Variants in NTN5 observed in about 807,000 individuals in gnomAD.
NTN5 encodes netrin-5.
In NTN5, 42 loss-of-function variants were observed where a neutral mutation model predicts 38.7. That is an observed-to-expected ratio of 1.08 (90% CI 0.85 to 1.40). NTN5 has a LOEUF of 1.40. Ranked by LOEUF, NTN5 falls within the 40% of genes most tolerant of loss-of-function variation. The pLI is 0.00. For synonymous variants in NTN5, 329 were observed against 303.9 expected, an observed-to-expected ratio of 1.08 and a Z score of -0.86; for missense variants, 658 against 716.5, an observed-to-expected ratio of 0.92 and a Z score of 0.93.
intron 2 of NTN5, among the ~76,000 whole-genome samples, chr19:48,669,918 TCACCATCATCACCACTACCATCAC>T (rs1568452713): frequency 1.1e-3 from 58 of 53,960 alleles, no homozygotes; most frequent in African/African-American, 1.1e-3. Context: ...ACCACCACCA[TCACCATCATCACCACTACCATCAC>T]CATCACCACC....
At chr19:48,667,875 T>A (rs991991088) in intron 2 of NTN5, among the ~76,000 whole-genome samples, 1 of 150,012 alleles carries the variant, frequency 6.7e-6, no homozygotes, top group Non-Finnish European at 1.5e-5. Flanking sequence ...AAAAAAGAAA[T>A]AGAGGGCCGG....
At chr19:48,667,376 G>A in intron 2 of NTN5, 1 of 424,154 alleles carries the variant, frequency 2.4e-6, no homozygotes, top group Non-Finnish European at 4.8e-6. Flanking sequence ...TGCTCAGTCT[G>A]GGGGGATGTG....
chr19:48,667,011 G>A (rs1175883131), intron 2 of NTN5, among the ~76,000 whole-genome samples: 1 of 152,002 alleles, frequency 6.6e-6, no homozygotes, highest in Non-Finnish European at 1.5e-5. Flanking sequence ...GATAATCAGG[G>A]AGCTCAGACG....
intron 3 of NTN5, 81 bp from the exon 4 acceptor site, chr19:48,664,373 G>C: frequency 6.6e-7 from 1 of 1,520,626 alleles, no homozygotes; most frequent in Non-Finnish European, 8.9e-7. Context: ...TCCTCCCTCA[G>C]CCTGGGGAGT....
chr19:48,661,706 G>A lies in NTN5; in HGVS notation c.1441C>T (p.Pro481Ser). Reference protein sequence around the residue: ...RAGGCRGVRAPTPSPRPEH With the variant: ...RAGGCRGVRASTPSPRPEH ...TGCTCCGGCCTGGGACTGGGTGTGG[G>A]TGCCCGCACGCCGCGGCAGCCTCCG... Residue 481 changes from proline to serine, a missense_variant, in exon 7 of 7, where the codon CCC becomes TCC. Physicochemically the swap from Pro to Ser is moderately conservative, Grantham distance 74. Coordinates refer to ENST00000270235, the MANE Select transcript of NTN5 (RefSeq NM_145807.4). 6.4e-7 allele frequency: 1 copy of A among 1,557,526 alleles called. No individual in the cohort carries two copies. The highest frequency in any genetic ancestry group is 1.8e-5 in the Admixed American group (1 of 54,994).
rs567448100 is a variant in NTN5 at position 48,664,448 on chromosome 19, G to A, written c.820+131C>T. 2.0e-4 allele frequency: 246 copies of A among 1,235,900 alleles called. 1 individual carries two copies. The African/African-American group carries it at 3.2e-3, about 16-fold the overall frequency. 76.6% of individuals were successfully genotyped at this position (1,235,900 alleles called of 1,614,324 possible). A position where few individuals can be genotyped will look rare whatever the true frequency, so the allele number is the denominator to read the frequency against. On this transcript the variant is annotated intron_variant, in intron 3 of 6. Transcript: ENST00000270235. ...AGGCCCCCAGCCCCTCCTCCCTCAGGCCCAGAGTCCAGGCCCCCAGCCCCT... is the reference window on the plus strand; with the variant it reads ...AGGCCCCCAGCCCCTCCTCCCTCAGACCCAGAGTCCAGGCCCCCAGCCCCT...
rs2031535865 is a variant in NTN5 at position 48,661,494 on chromosome 19, A to G, written c.*183T>C. The G allele has an allele frequency of 1.0e-5, 6 of 598,650 alleles. No homozygotes were observed. The highest frequency in any genetic ancestry group is 4.4e-5 in the Admixed American group (1 of 22,768). The allele number at this position is 598,650 out of a possible 1,614,324, so 37.1% of individuals were successfully genotyped here. On this transcript the variant is annotated 3_prime_UTR_variant, in exon 7 of 7. Coordinates refer to ENST00000270235, the MANE Select transcript of NTN5 (RefSeq NM_145807.4). ...CAAAGGAGGAAATGTTGGGACCAGA[A>G]GTCCCGCTTGCCGCCTTTTGCTAAA...
At chr19:48,669,564 CCAT>C (rs1568452240) in intron 2 of NTN5, among the ~76,000 whole-genome samples, 4 of 8,706 alleles carry the variant, frequency 4.6e-4, no homozygotes, top group African/African-American at 1.5e-3. Flanking sequence ...ATCACCACCA[CCAT>C]CACCACCATC....
rs1199658419 is a variant in NTN5, at chr19:48,666,841, A to G, written c.632-2074T>C. On this transcript the variant is annotated intron_variant, in intron 2 of 6. Coordinates refer to ENST00000270235, the MANE Select transcript of NTN5 (RefSeq NM_145807.4). ...TGGGTCCACAGGCATGCACCACCAC[A>G]CCAGGCTACTTTAAAATTTTTTTTT... 2.0e-5 allele frequency among the ~76,000 whole-genome samples: 3 copies of G among 150,946 alleles called. No homozygotes were observed. The East Asian group carries it at 6.0e-4, about 30-fold the overall frequency.
At chr19:48,669,159 C>T (rs1332278666) in intron 2 of NTN5, among the ~76,000 whole-genome samples, 12 of 105,774 alleles carry the variant, frequency 1.1e-4, no homozygotes, top group Admixed American at 6.5e-4. Context: ...ACCACCATCA[C>T]CACCACCACC....
At chr19:48,662,107 G>A in intron 6 of NTN5, 66 bp from the exon 7 acceptor site, 1 of 1,344,806 alleles carries the variant, frequency 7.4e-7, no homozygotes, top group Non-Finnish European at 9.5e-7. Context: ...GGTCCCGTGG[G>A]GTCAGTCACA....
chr19:48,672,885 G>T (rs562388698), intron 1 of NTN5, 47 bp downstream of exon 1: 19 of 197,748 alleles, frequency 9.6e-5, no homozygotes, highest in Non-Finnish European at 1.6e-4. Context: ...CTGGCTCTTG[G>T]CATGCACCCC....
rs749015666 is a variant in NTN5 at position 48,664,247 on chromosome 19, T to C, written c.866A>G (p.Gln289Arg). 6.2e-7 allele frequency: 1 copy of C among 1,613,070 alleles called. No homozygotes were observed. Among genetic ancestry groups the C allele is most frequent in the South Asian group, 1.1e-5 (1 of 90,774 alleles). ...CTTGCAGGTGCACTGCCCACTGGTC[T>C]GGTTGCAGGTTCCTCCTGTTGCCCC... ...PIGATGGTCN[Q>R]TSGQCTCKLG... Residue 289 changes from glutamine to arginine, a missense_variant, in exon 4 of 7, where the codon CAG (glutamine) becomes CGG (arginine). Gln to Arg is a conservative substitution (Grantham distance 43). Coordinates refer to ENST00000270235, the MANE Select transcript of NTN5 (RefSeq NM_145807.4).
At chr19:48,662,634 T>C (rs905192454) in intron 6 of NTN5, 7 of 153,078 alleles carry the variant, frequency 4.6e-5, no homozygotes, top group African/African-American at 1.7e-4. Flanking sequence ...TTTGTATTTT[T>C]AGTAGAGATG....
At chr19:48,663,953 G>A (rs2031619089) in intron 4 of NTN5, 139 bp from the exon 5 acceptor site, 8 of 1,132,620 alleles carry the variant, frequency 7.1e-6, no homozygotes, top group Non-Finnish European at 1.0e-5. Flanking sequence ...CTTGCCTTCA[G>A]GCCCCAAGCC....
At position 48,663,746 on chromosome 19, in the gene NTN5, G is replaced by A. The variant is rs1343630346; in HGVS notation, c.1024+15C>T. 1 of 1,613,312 alleles carries A rather than the reference G, an allele frequency of 6.2e-7. No individual in the cohort carries two copies. The highest frequency in any genetic ancestry group is 1.1e-5 in the South Asian group (1 of 91,050). ...CCACTTGCCACTCAGGGACCTCCGT[G>A]CCAGACTGTCTTACCAGAGCTATAA... is the stretch of plus-strand genomic sequence containing the variant. On this transcript the variant is annotated intron_variant, in intron 5 of 6. Transcript: ENST00000270235.
rs755321664 is a variant in NTN5 at position 48,664,204 on chromosome 19, C to A, written c.909G>T (p.Leu303=). ...AGCCAGGGCCACAGCGGTTGCAGGT[C>A]AGGCCTGTGACCCCTAACTTGCAGG... is the stretch of plus-strand genomic sequence containing the variant. ...QCTCKLGVTG[L]TCNRCGPGYQ... The change falls in exon 4 of 7, where the codon CTG becomes CTT. Residue 303 remains leucine (L), a synonymous_variant. Transcript: ENST00000270235. The A allele has an allele frequency of 6.2e-7, 1 of 1,610,998 alleles. No individual in the cohort carries two copies. Among genetic ancestry groups the A allele is most frequent in the Non-Finnish European group, 8.5e-7 (1 of 1,178,740 alleles).
Position 48,661,882 on chromosome 19 carries a change from C to T in NTN5, c.1265G>A (p.Arg422His), listed in dbSNP as rs997679907. Residue 422 changes from arginine (R) to histidine (H), a missense_variant, in exon 7 of 7, where the codon CGC becomes CAC. Transcript: ENST00000270235. ...PRADLTCGCL[R>H]LQPGTDYLLL... ...CAGGTAGTCGGTGCCTGGCTGCAGG[C>T]GCAGGCAGCCGCAGGTCAGGTCGGC... The T allele has an allele frequency of 2.4e-5, 32 of 1,346,758 alleles. No individual in the cohort carries two copies. Among genetic ancestry groups the T allele is most frequent in the Non-Finnish European group, 2.9e-5 (31 of 1,051,514 alleles). 83.4% of individuals were successfully genotyped at this position (1,346,758 alleles called of 1,614,324 possible).
At chr19:48,671,230 T>C (rs2031955133) in intron 1 of NTN5, among the ~76,000 whole-genome samples, 1 of 152,008 alleles carries the variant, frequency 6.6e-6, no homozygotes, top group Non-Finnish European at 1.5e-5. Flanking sequence ...AACTAATCCG[T>C]AGCTTAACAC....
Sources: allele counts gnomAD v4.1 joint callset (sites outside exome capture counted in the v4.1 genomes callset), GRCh38; gene constraint gnomAD v4.1.1; transcripts MANE v1.5; gene names NCBI Gene and HGNC (gene_info 2026-07-23, HGNC 2026-07-21).